The following ENOPH1 variants were observed in gnomAD, a reference collection of about 807,000 sequenced individuals.
The protein encoded by ENOPH1 is enolase-phosphatase E1.
Under a neutral mutation model 31.1 loss-of-function variants are expected in ENOPH1, and 14 were observed. The ratio of observed to expected loss-of-function variants is 0.45; its 90% CI spans 0.30 to 0.70. ENOPH1 has a LOEUF of 0.70. Among genes scored for constraint, ENOPH1 ranks in the 30% least tolerant of loss-of-function variants. ENOPH1 has a pLI of 0.09. For missense variants in ENOPH1, 243 were observed against 321.5 expected, an observed-to-expected ratio of 0.76 and a Z score of 1.87; for synonymous variants, 127 against 123.2, an observed-to-expected ratio of 1.03 and a Z score of -0.21.
intron 1 of ENOPH1, among the ~76,000 whole-genome samples, chr4:82,443,204 C>T (rs367659030): frequency 1.3e-5 from 2 of 150,724 alleles, no homozygotes; most frequent in African/African-American, 2.4e-5. Flanking sequence ...TGGGAGGCCG[C>T]GATGGGATGA....
chr4:82,454,945 C>A, intron 4 of ENOPH1, 91 bp downstream of exon 4: 5 of 982,650 alleles, frequency 5.1e-6, no homozygotes, highest in Non-Finnish European at 7.0e-6. Context: ...TAATAGAATG[C>A]TTTTTTTTTT....
chr4:82,458,149 G>T (rs1484474515), intron 5 of ENOPH1, among the ~76,000 whole-genome samples: 1 of 152,114 alleles, frequency 6.6e-6, no homozygotes, highest in African/African-American at 2.4e-5. Context: ...TTTCTCTCTG[G>T]TCCTGTTTTG....
intron 5 of ENOPH1, among the ~76,000 whole-genome samples, chr4:82,459,370 A>C (rs913612644): frequency 6.6e-6 from 1 of 152,072 alleles, no homozygotes; most frequent in Admixed American, 6.5e-5. Flanking sequence ...GGCTTGCTGC[A>C]GCCTTGACCT....
At position 82,456,939 on chromosome 4, in the gene ENOPH1, A is replaced by C; in HGVS notation, c.547A>C (p.Lys183Gln). The C allele has an allele frequency of 6.2e-7, 1 of 1,614,048 alleles. No homozygotes were observed. Among genetic ancestry groups the C allele is most frequent in the South Asian group, 1.1e-5 (1 of 91,066 alleles). Residue 183 changes from lysine to glutamine, a missense_variant, in exon 5 of 6, where the codon AAG (lysine) becomes CAG (glutamine). By Grantham distance (53) the Lys-to-Gln change is moderately conservative (BLOSUM62 1). Coordinates refer to ENST00000273920, the MANE Select transcript of ENOPH1 (RefSeq NM_021204.5). The stretch of plus-strand genomic sequence containing the variant: ...GCTTGTTGATGGTCACTTTGATACC[A>C]AGATTGGACACAAAGTAGAGAGTGA... ...LELVDGHFDT[K>Q]IGHKVESESY...
At chr4:82,452,731 T>C (rs1448926536) in intron 3 of ENOPH1, among the ~76,000 whole-genome samples, 1 of 150,066 alleles carries the variant, frequency 6.7e-6, no homozygotes, top group African/African-American at 2.5e-5. Flanking sequence ...GGACTACAGG[T>C]GCGTGCCACC....
At chr4:82,435,825 T>A (rs1721890674) in intron 1 of ENOPH1, among the ~76,000 whole-genome samples, 1 of 152,154 alleles carries the variant, frequency 6.6e-6, no homozygotes, top group Admixed American at 6.5e-5. Context: ...TGTAATAGGG[T>A]CTCTTTCCCT....
chr4:82,433,023 G>A (rs1721815935), intron 1 of ENOPH1, among the ~76,000 whole-genome samples: 1 of 152,022 alleles, frequency 6.6e-6, no homozygotes, highest in South Asian at 2.1e-4. Context: ...CGCTTTCTTG[G>A]TTTTCAGAGA....
chr4:82,430,972 C>T, intron 1 of ENOPH1, 59 bp downstream of exon 1: 2 of 1,517,570 alleles, frequency 1.3e-6, no homozygotes, highest in South Asian at 2.3e-5. Flanking sequence ...ATTATTTTTT[C>T]TAAGTATTTC....
Position 82,460,081 on chromosome 4 carries a change from C to T in ENOPH1, c.747C>T (p.Ile249=). Residue 249 remains isoleucine (I), a synonymous_variant, in exon 6 of 6, where the codon ATC becomes ATT. Coordinates refer to ENST00000273920, the MANE Select transcript of ENOPH1 (RefSeq NM_021204.5). ...TDDEKTYYSL[I]TSFSELYLPS... ...ATGAGAAGACTTACTACAGCCTCAT[C>T]ACATCCTTCAGTGAACTATACCTGC... 6.2e-7 allele frequency: 1 copy of T among 1,614,238 alleles called. No homozygotes were observed. The highest frequency in any genetic ancestry group is 8.5e-7 in the Non-Finnish European group (1 of 1,180,032).
intron 1 of ENOPH1, among the ~76,000 whole-genome samples, chr4:82,436,174 G>A (rs1721899945): frequency 6.6e-6 from 1 of 152,192 alleles, no homozygotes; most frequent in Non-Finnish European, 1.5e-5. Context: ...GCAGGATATT[G>A]TTGATCTCTA....
chr4:82,448,001 G>A lies in ENOPH1; in HGVS notation c.166G>A (p.Val56Ile), dbSNP rs777806550. The A allele has an allele frequency of 1.2e-6, 2 of 1,612,334 alleles. No individual in the cohort carries two copies. The highest frequency in any genetic ancestry group is 1.7e-6 in the Non-Finnish European group (2 of 1,178,818). The change falls in exon 2 of 6, where the codon GTC becomes ATC. Residue 56 changes from valine to isoleucine, a missense_variant. Transcript: ENST00000273920. Reference sequence around the variant, plus strand: ...GGAAGAAGAGGAGTGCCAGCAGGATGTCAGTCTTTTGAGGAAACAGGTTGG... The same window carrying A: ...GGAAGAAGAGGAGTGCCAGCAGGATATCAGTCTTTTGAGGAAACAGGTTGG... Reference protein sequence around the residue: ...HWEEEECQQDVSLLRKQAEED... With the variant: ...HWEEEECQQDISLLRKQAEED...
chr4:82,443,429 T>G (rs868467791), intron 1 of ENOPH1, among the ~76,000 whole-genome samples: 1 of 143,446 alleles, frequency 7.0e-6, no homozygotes, highest in Non-Finnish European at 1.5e-5. Flanking sequence ...AAGAAAGAAA[T>G]AATAGCCCAC....
chr4:82,451,665 T>G (rs1375427079), intron 3 of ENOPH1, among the ~76,000 whole-genome samples: 1 of 152,254 alleles, frequency 6.6e-6, no homozygotes, highest in East Asian at 1.9e-4. Flanking sequence ...ACTCAGAGGA[T>G]GTCCGCACTA....
intron 1 of ENOPH1, among the ~76,000 whole-genome samples, chr4:82,433,429 G>T (rs1015927470): frequency 5.9e-5 from 9 of 152,202 alleles, no homozygotes; most frequent in Admixed American, 3.3e-4. Flanking sequence ...GGCTGCAAAA[G>T]AATGATTTAG....
intron 3 of ENOPH1, among the ~76,000 whole-genome samples, chr4:82,454,074 G>T (rs910209843): frequency 6.6e-6 from 1 of 151,624 alleles, no homozygotes; most frequent in African/African-American, 2.4e-5. Flanking sequence ...AAAAGCTGGG[G>T]GTGGTAGCAC....
chr4:82,438,921 T>A (rs1050947085), intron 1 of ENOPH1, among the ~76,000 whole-genome samples: 36 of 152,358 alleles, frequency 2.4e-4, no homozygotes, highest in Admixed American at 1.9e-3. Flanking sequence ...TATGAAACTT[T>A]GAATTTCACA....
At chr4:82,431,140 A>T (rs1248306110) in intron 1 of ENOPH1, among the ~76,000 whole-genome samples, 2 of 151,958 alleles carry the variant, frequency 1.3e-5, no homozygotes, top group Admixed American at 6.6e-5. Context: ...TTGGATCCAG[A>T]TGGGTGGGAA....
At chr4:82,454,643 A>T in intron 3 of ENOPH1, 79 bp from the exon 4 acceptor site, 1 of 1,488,788 alleles carries the variant, frequency 6.7e-7, no homozygotes. Flanking sequence ...AGAGAGAAAC[A>T]TATGGCATCT....
intron 1 of ENOPH1, among the ~76,000 whole-genome samples, chr4:82,431,652 T>C (rs1721765021): frequency 6.6e-6 from 1 of 152,200 alleles, no homozygotes; most frequent in Non-Finnish European, 1.5e-5. Context: ...TTATTCTTTG[T>C]CTGTTAGAAT....
Sources: allele counts gnomAD v4.1 joint callset (sites outside exome capture counted in the v4.1 genomes callset), GRCh38; gene constraint gnomAD v4.1.1; transcripts MANE v1.5; gene names NCBI Gene and HGNC (gene_info 2026-07-23, HGNC 2026-07-21).